Variants in GPD2 observed in about 807,000 individuals in gnomAD.
GPD2 encodes glycerol-3-phosphate dehydrogenase 2, also known as glycerol-3-phosphate dehydrogenase, mitochondrial.
GPD2 carries 54 observed loss-of-function variants against 82.4 expected under a neutral mutation model. The ratio of observed to expected loss-of-function variants is 0.66; its 90% CI spans 0.53 to 0.82. The LOEUF is 0.82. Among genes scored for constraint, GPD2 ranks in the 40% least tolerant of loss-of-function variants. The probability of loss-of-function intolerance (pLI) is 0.00; values close to 1 mark genes in which losing one functional copy is unlikely to be tolerated. For synonymous variants in GPD2, 288 were observed against 306.1 expected (o/e 0.94, Z 0.62); for missense variants, 748 against 896.2 (o/e 0.83, Z 2.11).
intron 3 of GPD2, among the ~76,000 whole-genome samples, chr2:156,506,876 C>A (rs1209247164): frequency 6.6e-6 from 1 of 152,160 alleles, no homozygotes; most frequent in Non-Finnish European, 1.5e-5. Flanking sequence ...TATCTGAGGA[C>A]TTCTAGAAAA....
intron 2 of GPD2, among the ~76,000 whole-genome samples, chr2:156,481,870 G>A (rs1308760685): frequency 6.6e-6 from 1 of 152,056 alleles, no homozygotes; most frequent in Non-Finnish European, 1.5e-5. Context: ...TGGACATTTA[G>A]GTTGATTCCA....
At chr2:156,475,559 C>T (rs1683480936) in intron 1 of GPD2, among the ~76,000 whole-genome samples, 1 of 152,124 alleles carries the variant, frequency 6.6e-6, no homozygotes, top group Non-Finnish European at 1.5e-5. Flanking sequence ...AGAAATATAA[C>T]ACTGCTGGCT....
the GPD2 span, among the ~76,000 whole-genome samples, chr2:156,418,326 G>GT: frequency 6.6e-6 from 1 of 151,954 alleles, no homozygotes; most frequent in Admixed American, 6.6e-5. Flanking sequence ...GGAGGCGGAG[G>GT]TTGCAGTGAG....
chr2:156,427,498 A>C, the GPD2 span, among the ~76,000 whole-genome samples: 9 of 152,196 alleles, frequency 5.9e-5, no homozygotes, highest in Non-Finnish European at 1.2e-4. Flanking sequence ...GCATCTCTCA[A>C]ATTTTACAAG....
chr2:156,443,304 C>G (rs567846343), intron 1 of GPD2, among the ~76,000 whole-genome samples: 4 of 152,324 alleles, frequency 2.6e-5, no homozygotes, highest in African/African-American at 9.6e-5. Context: ...AATTTTCTTT[C>G]CTATGGAAGA....
At chr2:156,481,744 G>T (rs1380553567) in intron 2 of GPD2, among the ~76,000 whole-genome samples, 1 of 151,758 alleles carries the variant, frequency 6.6e-6, no homozygotes, top group Non-Finnish European at 1.5e-5. Flanking sequence ...GCCCCAAAGT[G>T]CTGGGGATCA....
chr2:156,582,856 G>A lies in GPD2; in HGVS notation c.2122G>A (p.Ala708Thr). The A allele has an allele frequency of 6.2e-7, 1 of 1,613,090 alleles. No individual in the cohort carries two copies. Among genetic ancestry groups the A allele is most frequent in the Non-Finnish European group, 8.5e-7 (1 of 1,179,180 alleles). ...GSRLAILMKT[A>T]EENLDRRVPI... Reference sequence around the variant, plus strand: ...CCGGCTTGCTATACTAATGAAAACTGCAGAAGAGAACCTCGACAGAAGAGT... The same window carrying A: ...CCGGCTTGCTATACTAATGAAAACTACAGAAGAGAACCTCGACAGAAGAGT... Residue 708 changes from alanine (A) to threonine (T), a missense_variant, in exon 17 of 17, where the codon GCA (alanine) becomes ACA (threonine). Transcript: ENST00000438166.
the GPD2 span, among the ~76,000 whole-genome samples, chr2:156,419,789 A>C: frequency 6.6e-6 from 1 of 152,330 alleles, no homozygotes; most frequent in East Asian, 1.9e-4. Flanking sequence ...AAAACATATA[A>C]TTTTAGGTAC....
chr2:156,519,022 AG>A (rs1367623495), intron 6 of GPD2, among the ~76,000 whole-genome samples: 1 of 152,226 alleles, frequency 6.6e-6, no homozygotes, highest in African/African-American at 2.4e-5. Flanking sequence ...ACTAGGGTAT[AG>A]GAGGAACACA....
At chr2:156,443,671 G>A (rs1366123496) in intron 1 of GPD2, among the ~76,000 whole-genome samples, 1 of 152,084 alleles carries the variant, frequency 6.6e-6, no homozygotes, top group Non-Finnish European at 1.5e-5. Context: ...GGGAAGGGGC[G>A]AAGTGACATT....
intron 9 of GPD2, 106 bp downstream of exon 9, chr2:156,557,688 C>T (rs1232911580): frequency 1.3e-6 from 1 of 746,774 alleles, no homozygotes; most frequent in Non-Finnish European, 2.4e-6. Context: ...CATCTTCACA[C>T]TTGTCCTCTT....
At position 156,476,176 on chromosome 2, in the gene GPD2, T is replaced by C. The variant is rs1331345650; in HGVS notation, c.71T>C (p.Leu24Pro). The C allele has an allele frequency of 3.1e-6, 5 of 1,606,510 alleles. No homozygotes were observed. In the East Asian group the frequency reaches 1.1e-4, roughly 36 times the overall value. ...GGGALATVLG[L>P]SQFAHYRRKQ... ...GGTGCTCTTGCAACTGTTTTAGGAC[T>C]TTCTCAGTTTGCTCATTACAGAAGG... is the stretch of plus-strand genomic sequence containing the variant. Residue 24 changes from leucine to proline, a missense_variant, in exon 2 of 17, where the codon CTT becomes CCT. By Grantham distance (98) the Leu-to-Pro change is moderately conservative. Around this residue, in one of 3 missense-constraint regions of GPD2, gnomAD observed 692 missense variants for 809.7 expected, o/e 0.85. Coordinates refer to ENST00000438166, the MANE Select transcript of GPD2 (RefSeq NM_000408.5).
upstream of GPD2, among the ~76,000 whole-genome samples, chr2:156,432,305 T>G (rs1321271909): frequency 6.6e-6 from 1 of 152,242 alleles, no homozygotes; most frequent in Non-Finnish European, 1.5e-5. Flanking sequence ...TGTGTAGGTT[T>G]GTTTCAAGGG....
intron 3 of GPD2, among the ~76,000 whole-genome samples, chr2:156,500,269 T>G (rs1684540594): frequency 6.6e-6 from 1 of 152,172 alleles, no homozygotes; most frequent in Non-Finnish European, 1.5e-5. Flanking sequence ...CTTATTATGC[T>G]GGTAGCCCTC....
chr2:156,550,488 G>T, intron 7 of GPD2, 114 bp from the exon 8 acceptor site: 1 of 1,026,654 alleles, frequency 9.7e-7, no homozygotes, highest in South Asian at 1.3e-5. Flanking sequence ...GTCACTTAGT[G>T]TGGTATGCAG....
chr2:156,517,904 A>G (rs1685257366), intron 6 of GPD2, among the ~76,000 whole-genome samples: 1 of 152,204 alleles, frequency 6.6e-6, no homozygotes, highest in Admixed American at 6.5e-5. Context: ...AGCCATTATA[A>G]AATGAAACTG....
At chr2:156,505,155 G>A (rs972755753) in intron 3 of GPD2, among the ~76,000 whole-genome samples, 1 of 151,888 alleles carries the variant, frequency 6.6e-6, no homozygotes, top group African/African-American at 2.4e-5. Context: ...GGTTTAGTTG[G>A]AAGTAATTAG....
At chr2:156,541,467 A>C (rs952299270) in intron 6 of GPD2, among the ~76,000 whole-genome samples, 2 of 152,174 alleles carry the variant, frequency 1.3e-5, no homozygotes, top group African/African-American at 4.8e-5. Context: ...CCACAGTAGT[A>C]CTTAGCTTAG....
chr2:156,471,591 T>C (rs1683330970), intron 1 of GPD2, among the ~76,000 whole-genome samples: 1 of 152,144 alleles, frequency 6.6e-6, no homozygotes, highest in Non-Finnish European at 1.5e-5. Context: ...TCTCCACCAA[T>C]TGTCTTTCTC....
Sources: gnomAD v4.1 joint callset for allele counts (sites outside exome capture counted in the v4.1 genomes callset) on GRCh38, gnomAD v4.1.1 for gene constraint, gnomAD v4.1.1 regional missense constraint, MANE v1.5 for transcripts, NCBI Gene and HGNC (gene_info 2026-07-23, HGNC 2026-07-21) for gene names.